PCDHGB7: variants seen among roughly 807,000 people sequenced by gnomAD.
PCDHGB7 encodes protocadherin gamma subfamily B, 7.
PCDHGB7 carries 37 observed loss-of-function variants against 61.4 expected under a neutral mutation model. The observed-to-expected ratio is 0.60, with a 90% CI of 0.46 to 0.79. The LOEUF is 0.79. Ranked by LOEUF, PCDHGB7 falls within the 30% of genes least tolerant of loss-of-function variation. The pLI is 0.00. For synonymous variants in PCDHGB7, 464 were observed against 503.5 expected, an observed-to-expected ratio of 0.92 and a Z score of 1.05; for missense variants, 1,166 against 1,202.5, an observed-to-expected ratio of 0.97 and a Z score of 0.45.
rs574059424 is a variant in PCDHGB7 at position 141,426,522 on chromosome 5, G to A, written c.2415+6248G>A. On this transcript the variant is annotated intron_variant, in intron 1 of 3. Transcript: ENST00000398594. ...AGAAACAATACTTTACCGTGAACAC[G>A]GAGAATGGGAACATACTTGTGAGTG... is the stretch of plus-strand genomic sequence containing the variant. The A allele has an allele frequency of 4.4e-5, 15 of 341,518 alleles. No individual in the cohort carries two copies. In the East Asian group the frequency reaches 6.0e-4, roughly 14 times the overall value. 21.2% of individuals were successfully genotyped at this position (341,518 alleles called of 1,614,324 possible).
Position 141,511,579 on chromosome 5 carries a change from G to T in PCDHGB7, c.*406G>T. The T allele has an allele frequency of 3.6e-6, 1 of 280,798 alleles. No individual in the cohort carries two copies. Among genetic ancestry groups the T allele is most frequent in the South Asian group, 4.1e-5 (1 of 24,614 alleles). 17.4% of individuals were successfully genotyped at this position (280,798 alleles called of 1,614,324 possible). On this transcript the variant is annotated 3_prime_UTR_variant, in exon 4 of 4. Transcript: ENST00000398594. Reference sequence around the variant, plus strand: ...CCTCTTTCCCGAGTAAGGTGGTTGGGGTGTTGAAGTACCAAGTAACCTACA... The same window carrying T: ...CCTCTTTCCCGAGTAAGGTGGTTGGTGTGTTGAAGTACCAAGTAACCTACA...
chr5:141,443,166 C>T (rs914863821), intron 1 of PCDHGB7, among the ~76,000 whole-genome samples: 2 of 152,124 alleles, frequency 1.3e-5, no homozygotes, highest in African/African-American at 4.8e-5. Context: ...ATTTCCCTAC[C>T]CATGTCCACT....
In PCDHGB7 at chr5:141,432,611, T is replaced by G. The variant is rs141541670; in HGVS notation, c.2415+12337T>G. The G allele has an allele frequency of 4.2e-4, 676 of 1,613,808 alleles. 1 individual carries two copies. The African/African-American group carries it at 5.6e-3, about 13-fold the overall frequency. On this transcript the variant is annotated intron_variant, in intron 1 of 3. Coordinates refer to ENST00000398594, the MANE Select transcript of PCDHGB7 (RefSeq NM_018927.4). This position sits in a 1 kb window ranked among gnomAD's most constrained non-coding sequence, Gnocchi z 6.0. ...CAAGGCCAGCGAGCCGGGACTCTTC[T>G]CGGTGGGTCTGCACACGGGCGAGGT...
Position 141,418,242 on chromosome 5 carries a change from A to T in PCDHGB7, c.383A>T (p.Asp128Val), listed in dbSNP as rs779996033. ...HVIVVIEDVN[D>V]HAPQFRKDEI... ...ATTGTGGTGATTGAGGATGTTAATG[A>T]CCACGCCCCTCAATTCCGGAAAGAT... Residue 128 changes from aspartate to valine, a missense_variant, in exon 1 of 4, where the codon GAC becomes GTC. Transcript: ENST00000398594. The T allele has an allele frequency of 3.7e-6, 6 of 1,613,896 alleles. No individual in the cohort carries two copies. The East Asian group carries it at 1.3e-4, about 36-fold the overall frequency.
At chr5:141,430,842 G>A (rs935750449) in intron 1 of PCDHGB7, 4 of 1,567,068 alleles carry the variant, frequency 2.6e-6, no homozygotes, top group Non-Finnish European at 3.4e-6. Flanking sequence ...GAGACCGGAT[G>A]CACCCAGATA....
intron 1 of PCDHGB7, among the ~76,000 whole-genome samples, chr5:141,456,046 C>T (rs759479772): frequency 1.3e-5 from 2 of 151,904 alleles, no homozygotes; most frequent in Non-Finnish European, 2.9e-5. Context: ...TACAGGCGCC[C>T]ACCACCACGT....
In PCDHGB7 at chr5:141,477,670, A is replaced by G; in HGVS notation, c.2416-17137A>G. 1 of 1,614,198 alleles carries G rather than the reference A, an allele frequency of 6.2e-7. No individual in the cohort carries two copies. The highest frequency in any genetic ancestry group is 1.7e-5 in the Admixed American group (1 of 60,028). ...TCACAATAAATCGTGACAATGGCAT[A>G]GTGTCATCCTTAGTGCCCCTAGACT... On this transcript the variant is annotated intron_variant, in intron 1 of 3. Coordinates refer to ENST00000398594, the MANE Select transcript of PCDHGB7 (RefSeq NM_018927.4). This position sits in a 1 kb window ranked among gnomAD's most constrained non-coding sequence, Gnocchi z 4.9.
intron 1 of PCDHGB7, among the ~76,000 whole-genome samples, chr5:141,461,004 T>C (rs2099006736): frequency 6.6e-6 from 1 of 151,664 alleles, no homozygotes; most frequent in Non-Finnish European, 1.5e-5. Context: ...TATGTGTATA[T>C]ATATATACCA....
intron 1 of PCDHGB7, chr5:141,423,913 C>T: frequency 7.9e-7 from 1 of 1,269,552 alleles, no homozygotes; most frequent in Non-Finnish European, 1.0e-6. Context: ...AGGGGCCATT[C>T]AACTATGCTG....
At chr5:141,440,605 C>G (rs1214459401) in intron 1 of PCDHGB7, 1 of 152,228 alleles carries the variant, frequency 6.6e-6, no homozygotes, top group East Asian at 1.9e-4. Context: ...TGCAACAGAA[C>G]CTGCAGAAGA....
At position 141,477,460 on chromosome 5, in the gene PCDHGB7, C is replaced by T; in HGVS notation, c.2416-17347C>T. 6.2e-7 allele frequency: 1 copy of T among 1,614,132 alleles called. No individual in the cohort carries two copies. Among genetic ancestry groups the T allele is most frequent in the Non-Finnish European group, 8.5e-7 (1 of 1,180,020 alleles). On this transcript the variant is annotated intron_variant, in intron 1 of 3. Transcript: ENST00000398594. The surrounding 1 kb of genome is among the most constrained non-coding windows in gnomAD (Gnocchi z 4.9). ...TTACAATAGTGCGTGTTCAAGTGTC[C>T]GACATCAATGACAACCCTCCACAAT...
chr5:141,417,959 C>A lies in PCDHGB7; in HGVS notation c.100C>A (p.Arg34Ser), dbSNP rs759279387. The A allele has an allele frequency of 5.0e-6, 8 of 1,613,734 alleles. No individual in the cohort carries two copies. Among genetic ancestry groups the A allele is most frequent in the Non-Finnish European group, 6.8e-6 (8 of 1,179,682 alleles). The change falls in exon 1 of 4, where the codon CGC becomes AGC. Residue 34 changes from arginine (R) to serine (S), a missense_variant. By Grantham distance (110) the Arg-to-Ser change is moderately radical. Transcript: ENST00000398594. Reference protein sequence around the residue: ...LFYPTLCEPIRYSIPEELAKG... With the variant: ...LFYPTLCEPISYSIPEELAKG... ...CTACCCCACGCTGTGTGAGCCGATC[C>A]GCTACTCGATTCCGGAGGAGCTGGC... is the stretch of plus-strand genomic sequence containing the variant.
chr5:141,422,910 C>T (rs756589496), intron 1 of PCDHGB7: 2 of 1,614,252 alleles, frequency 1.2e-6, no homozygotes, highest in South Asian at 1.1e-5. Context: ...ACAATGCGCC[C>T]GAGATCCTGT....
chr5:141,427,693 C>A, intron 1 of PCDHGB7: 2 of 909,726 alleles, frequency 2.2e-6, no homozygotes, highest in East Asian at 2.5e-5. Context: ...GCCTCCATCC[C>A]ACAAGTCAGC....
rs936750924 is a variant in PCDHGB7, at chr5:141,418,950, T to A, written c.1091T>A (p.Val364Glu). Residue 364 changes from valine (V) to glutamate (E), a missense_variant, in exon 1 of 4, where the codon GTG becomes GAG. Physicochemically the swap from Val to Glu is moderately radical, Grantham distance 121. Transcript: ENST00000398594. Reference protein sequence around the residue: ...DQIMEDSPPGVVVALFKTRDQ... With the variant: ...DQIMEDSPPGEVVALFKTRDQ... ...ATTATGGAGGATTCCCCTCCAGGAG[T>A]GGTTGTTGCCCTCTTCAAAACACGG... 23 of 1,613,742 alleles carry A rather than the reference T, an allele frequency of 1.4e-5. No individual in the cohort carries two copies. Among genetic ancestry groups the A allele is most frequent in the Non-Finnish European group, 1.9e-5 (23 of 1,179,860 alleles).
Position 141,486,775 on chromosome 5 carries a change from G to A in PCDHGB7, c.2416-8032G>A, listed in dbSNP as rs2099634725. On this transcript the variant is annotated intron_variant, in intron 1 of 3. Coordinates refer to ENST00000398594, the MANE Select transcript of PCDHGB7 (RefSeq NM_018927.4). This position sits in a 1 kb window ranked among gnomAD's most constrained non-coding sequence, Gnocchi z 5.0. ...AGCAAACCCAGACACTGCAGTTTGA[G>A]GTGCAGGCCCGGGATCGGGGCAACC... 7 of 1,614,122 alleles carry A rather than the reference G, an allele frequency of 4.3e-6. No individual in the cohort carries two copies. Among genetic ancestry groups the A allele is most frequent in the Non-Finnish European group, 5.9e-6 (7 of 1,180,060 alleles).
chr5:141,491,966 G>A lies in PCDHGB7; in HGVS notation c.2416-2841G>A. 1.1e-6 allele frequency: 1 copy of A among 943,066 alleles called. No individual in the cohort carries two copies. Among genetic ancestry groups the A allele is most frequent in the Non-Finnish European group, 1.5e-6 (1 of 669,210 alleles). The allele number at this position is 943,066 out of a possible 1,614,324, so 58.4% of individuals were successfully genotyped here. On this transcript the variant is annotated intron_variant, in intron 1 of 3. Coordinates refer to ENST00000398594, the MANE Select transcript of PCDHGB7 (RefSeq NM_018927.4). The surrounding 1 kb of genome is among the most constrained non-coding windows in gnomAD (Gnocchi z 6.9). ...CCACCCCTACACTCAAAAAAGGCCG[G>A]GGCCTCCTTCGAGCTTCCGGTGAAT...
chr5:141,428,098 A>C (rs1387848300), intron 1 of PCDHGB7: 1 of 1,608,664 alleles, frequency 6.2e-7, no homozygotes, highest in South Asian at 1.1e-5. Context: ...CTGTCCTACC[A>C]CGTGCTGCAG....
intron 1 of PCDHGB7, among the ~76,000 whole-genome samples, chr5:141,459,059 A>G (rs1219921155): frequency 2.6e-5 from 4 of 152,228 alleles, no homozygotes; most frequent in African/African-American, 4.8e-5. Context: ...AGTATAATTT[A>G]TATAACATAA....
Sources: gnomAD v4.1 joint callset for allele counts (sites outside exome capture counted in the v4.1 genomes callset) on GRCh38, gnomAD v4.1.1 for gene constraint, Gnocchi (gnomAD v3.1) non-coding constraint, MANE v1.5 for transcripts, NCBI Gene and HGNC (gene_info 2026-07-23, HGNC 2026-07-21) for gene names.